The following PCBP1 variants were observed in gnomAD, a reference collection of about 807,000 sequenced individuals.
The protein encoded by PCBP1 is poly(rC) binding protein 1, also known as poly(rC)-binding protein 1.
For missense variants in PCBP1, 244 were observed against 474.4 expected, an observed-to-expected ratio of 0.51 and a Z score of 4.51; for synonymous variants, 284 against 195.8, an observed-to-expected ratio of 1.45 and a Z score of -3.76.
In PCBP1 at chr2:70,088,588, A is replaced by G; in HGVS notation, c.845A>G (p.His282Arg). The change falls in exon 1 of 1, where the codon CAT becomes CGT. Residue 282 changes from histidine (H) to arginine (R), a missense_variant. Transcript: ENST00000303577. The surrounding 1 kb of genome is among the most constrained non-coding windows in gnomAD (Gnocchi z 4.5). Reference protein sequence around the residue: ...ASLDASTQTTHELTIPNNLIG... With the variant: ...ASLDASTQTTRELTIPNNLIG... ...TTGGATGCATCTACTCAAACCACCC[A>G]TGAACTCACCATTCCAAATAACTTA... The G allele has an allele frequency of 6.2e-7, 1 of 1,614,252 alleles. No individual in the cohort carries two copies. Among genetic ancestry groups the G allele is most frequent in the Non-Finnish European group, 8.5e-7 (1 of 1,180,042 alleles).
chr2:70,087,640 T>A lies in PCBP1; in HGVS notation c.-104T>A. 1.5e-6 allele frequency: 1 copy of A among 674,954 alleles called. No homozygotes were observed. The highest frequency in any genetic ancestry group is 2.3e-6 in the Non-Finnish European group (1 of 426,784). The allele number at this position is 674,954 out of a possible 1,614,324, so 41.8% of individuals were successfully genotyped here. Reference sequence around the variant, plus strand: ...CTCGCTCCCGCGGCCCTCGCTCGCCTCGCGCCGGCAGTTTTGGGCCTACAC... The same window carrying A: ...CTCGCTCCCGCGGCCCTCGCTCGCCACGCGCCGGCAGTTTTGGGCCTACAC... On this transcript the variant is annotated 5_prime_UTR_variant, in exon 1 of 1. Coordinates refer to ENST00000303577, the MANE Select transcript of PCBP1 (RefSeq NM_006196.4).
rs1309352130 is a variant in PCBP1 at position 70,087,712 on chromosome 2, C to A, written c.-32C>A. The A allele has an allele frequency of 7.0e-7, 1 of 1,432,506 alleles. No homozygotes were observed. The highest frequency in any genetic ancestry group is 9.5e-7 in the Non-Finnish European group (1 of 1,049,804). The allele number at this position is 1,432,506 out of a possible 1,614,324, so 88.7% of individuals were successfully genotyped here. ...CCAAAGACTTGACCACGTAACGAGC[C>A]CAACTCCCCCGAACGCCGCCCGCCG... is the stretch of plus-strand genomic sequence containing the variant. On this transcript the variant is annotated 5_prime_UTR_variant, in exon 1 of 1. Transcript: ENST00000303577.
In PCBP1 at chr2:70,089,030, T is replaced by G. The variant is rs1362926909; in HGVS notation, c.*216T>G. On this transcript the variant is annotated 3_prime_UTR_variant, in exon 1 of 1. Coordinates refer to ENST00000303577, the MANE Select transcript of PCBP1 (RefSeq NM_006196.4). ...TATAAGCTTTTCCCTGTTTTTAGTTTTGTTTTGGGTTTTTTGGCTCATGAA... is the reference window on the plus strand; with the variant it reads ...TATAAGCTTTTCCCTGTTTTTAGTTGTGTTTTGGGTTTTTTGGCTCATGAA... 2.2e-6 allele frequency: 1 copy of G among 459,318 alleles called. No individual in the cohort carries two copies. Among genetic ancestry groups the G allele is most frequent in the Non-Finnish European group, 4.0e-6 (1 of 253,016 alleles). The allele number at this position is 459,318 out of a possible 1,614,324, so 28.5% of individuals were successfully genotyped here.
In PCBP1 at chr2:70,088,858, A is replaced by C. The variant is rs199623299; in HGVS notation, c.*44A>C. 1.4e-6 allele frequency: 2 copies of C among 1,380,764 alleles called. No homozygotes were observed. Among genetic ancestry groups the C allele is most frequent in the Admixed American group, 2.1e-5 (1 of 47,098 alleles). The allele number at this position is 1,380,764 out of a possible 1,614,324, so 85.5% of individuals were successfully genotyped here. On this transcript the variant is annotated 3_prime_UTR_variant, in exon 1 of 1. Transcript: ENST00000303577. This position sits in a 1 kb window ranked among gnomAD's most constrained non-coding sequence, Gnocchi z 4.5. ...AATAACCCCTTTCTGCTGTTCTCCC[A>C]TGATCCAACTGTGTAATTTCTGGTC...
Position 70,088,720 on chromosome 2 carries a change from A to G in PCBP1, c.977A>G (p.Gln326Arg). The G allele has an allele frequency of 1.2e-6, 2 of 1,614,224 alleles. No individual in the cohort carries two copies. Among genetic ancestry groups the G allele is most frequent in the Non-Finnish European group, 8.5e-7 (1 of 1,180,038 alleles). Residue 326 changes from glutamine (Q) to arginine (R), a missense_variant, in exon 1 of 1, where the codon CAG (glutamine) becomes CGG (arginine). Physicochemically the swap from Gln to Arg is conservative, Grantham distance 43. Transcript: ENST00000303577. This position sits in a 1 kb window ranked among gnomAD's most constrained non-coding sequence, Gnocchi z 4.5. ...ANPVEGSSGR[Q>R]VTITGSAASI... ...CCAGTGGAAGGCTCCTCTGGTAGGC[A>G]GGTTACTATCACTGGCTCTGCTGCC... is the stretch of plus-strand genomic sequence containing the variant.
chr2:70,087,641 C>T lies in PCBP1; in HGVS notation c.-103C>T, dbSNP rs1671348894. On this transcript the variant is annotated 5_prime_UTR_variant, in exon 1 of 1. Coordinates refer to ENST00000303577, the MANE Select transcript of PCBP1 (RefSeq NM_006196.4). ...TCGCTCCCGCGGCCCTCGCTCGCCTCGCGCCGGCAGTTTTGGGCCTACACC... is the reference window on the plus strand; with the variant it reads ...TCGCTCCCGCGGCCCTCGCTCGCCTTGCGCCGGCAGTTTTGGGCCTACACC... 3 of 689,150 alleles carry T rather than the reference C, an allele frequency of 4.4e-6. No homozygotes were observed. Among genetic ancestry groups the T allele is most frequent in the Admixed American group, 3.0e-5 (1 of 33,092 alleles). 42.7% of individuals were successfully genotyped at this position (689,150 alleles called of 1,614,324 possible).
rs1250491875 is a variant in PCBP1, at chr2:70,087,489, C to G, written c.-255C>G. ...TCCCGCCCCGCCCAGACCGCCGAGG[C>G]TGCCGCCGGAGTCGCCACCGCCGCG... On this transcript the variant is annotated 5_prime_UTR_variant, in exon 1 of 1. Coordinates refer to ENST00000303577, the MANE Select transcript of PCBP1 (RefSeq NM_006196.4). 1 of 150,196 alleles carries G rather than the reference C, an allele frequency of 6.7e-6. No homozygotes were observed. Among genetic ancestry groups the G allele is most frequent in the Non-Finnish European group, 1.5e-5 (1 of 67,038 alleles). 9.3% of individuals were successfully genotyped at this position (150,196 alleles called of 1,614,324 possible). A position where few individuals can be genotyped will look rare whatever the true frequency, so the allele number is the denominator to read the frequency against.
Position 70,087,644 on chromosome 2 carries a change from G to T in PCBP1, c.-100G>T. On this transcript the variant is annotated 5_prime_UTR_variant, in exon 1 of 1. Coordinates refer to ENST00000303577, the MANE Select transcript of PCBP1 (RefSeq NM_006196.4). Reference sequence around the variant, plus strand: ...CTCCCGCGGCCCTCGCTCGCCTCGCGCCGGCAGTTTTGGGCCTACACCTCC... The same window carrying T: ...CTCCCGCGGCCCTCGCTCGCCTCGCTCCGGCAGTTTTGGGCCTACACCTCC... The T allele has an allele frequency of 1.4e-6, 1 of 697,132 alleles. No individual in the cohort carries two copies. The highest frequency in any genetic ancestry group is 2.3e-6 in the Non-Finnish European group (1 of 443,730). The allele number at this position is 697,132 out of a possible 1,614,324, so 43.2% of individuals were successfully genotyped here.
At position 70,088,160 on chromosome 2, in the gene PCBP1, C is replaced by G; in HGVS notation, c.417C>G (p.Pro139=). The G allele has an allele frequency of 6.2e-7, 1 of 1,613,968 alleles. No homozygotes were observed. Residue 139 remains proline (P), a synonymous_variant, in exon 1 of 1, where the codon CCC becomes CCG. Coordinates refer to ENST00000303577, the MANE Select transcript of PCBP1 (RefSeq NM_006196.4). The surrounding 1 kb of genome is among the most constrained non-coding windows in gnomAD (Gnocchi z 4.5). ...TCCAGGTGGCGGGGGATATGCTGCCCAACTCCACCGAGCGGGCCATCACCA... is the reference window on the plus strand; with the variant it reads ...TCCAGGTGGCGGGGGATATGCTGCCGAACTCCACCGAGCGGGCCATCACCA... ...AQVQVAGDML[P]NSTERAITIA... is the part of the protein sequence containing the mutation.
At position 70,087,704 on chromosome 2, in the gene PCBP1, T is replaced by C; in HGVS notation, c.-40T>C. The stretch of plus-strand genomic sequence containing the variant: ...GCCAGCCGCCAAAGACTTGACCACG[T>C]AACGAGCCCAACTCCCCCGAACGCC... On this transcript the variant is annotated 5_prime_UTR_variant, in exon 1 of 1. Coordinates refer to ENST00000303577, the MANE Select transcript of PCBP1 (RefSeq NM_006196.4). 3 of 1,366,384 alleles carry C rather than the reference T, an allele frequency of 2.2e-6. No individual in the cohort carries two copies. Among genetic ancestry groups the C allele is most frequent in the Non-Finnish European group, 2.0e-6 (2 of 994,174 alleles). 84.6% of individuals were successfully genotyped at this position (1,366,384 alleles called of 1,614,324 possible).
rs1394487720 is a variant in PCBP1 at position 70,088,730 on chromosome 2, C to A, written c.987C>A (p.Ile329=). Reference sequence around the variant, plus strand: ...GCTCCTCTGGTAGGCAGGTTACTATCACTGGCTCTGCTGCCAGTATTAGTC... The same window carrying A: ...GCTCCTCTGGTAGGCAGGTTACTATAACTGGCTCTGCTGCCAGTATTAGTC... ...VEGSSGRQVT[I]TGSAASISLA... Residue 329 remains isoleucine, a synonymous_variant, in exon 1 of 1, where the codon ATC becomes ATA. Coordinates refer to ENST00000303577, the MANE Select transcript of PCBP1 (RefSeq NM_006196.4). The surrounding 1 kb of genome is among the most constrained non-coding windows in gnomAD (Gnocchi z 4.5). The A allele has an allele frequency of 6.2e-7, 1 of 1,614,228 alleles. No individual in the cohort carries two copies.
In PCBP1 at chr2:70,089,158, TA is replaced by T. The variant is rs1671390179; in HGVS notation, c.*350del. ...TTTAAGAATTAAAAAACGGATTGGTTAAAAAATGCTTCATATTTGAAAAAGC... is the reference window on the plus strand; with the variant it reads ...TTTAAGAATTAAAAAACGGATTGGTTAAAAATGCTTCATATTTGAAAAAGC... On this transcript the variant is annotated 3_prime_UTR_variant, in exon 1 of 1. Transcript: ENST00000303577. The T allele has an allele frequency of 4.4e-6, 1 of 225,954 alleles. No individual in the cohort carries two copies. The allele number at this position is 225,954 out of a possible 1,614,324, so 14.0% of individuals were successfully genotyped here. A position where few individuals can be genotyped will look rare whatever the true frequency, so the allele number is the denominator to read the frequency against.
chr2:70,087,669 C>G lies in PCBP1; in HGVS notation c.-75C>G, dbSNP rs1572928921. On this transcript the variant is annotated 5_prime_UTR_variant, in exon 1 of 1. Coordinates refer to ENST00000303577, the MANE Select transcript of PCBP1 (RefSeq NM_006196.4). ...GCCGGCAGTTTTGGGCCTACACCTC[C>G]CCTCCCCCCGCCAGCCGCCAAAGAC... 2.8e-5 allele frequency: 29 copies of G among 1,040,462 alleles called. 2 individuals are homozygous for G. The South Asian group carries it at 4.3e-4, about 15-fold the overall frequency. The allele number at this position is 1,040,462 out of a possible 1,614,324, so 64.5% of individuals were successfully genotyped here.
At position 70,088,178 on chromosome 2, in the gene PCBP1, C is replaced by T. The variant is rs1558626286; in HGVS notation, c.435C>T (p.Ala145=). The T allele has an allele frequency of 6.2e-7, 1 of 1,614,036 alleles. No individual in the cohort carries two copies. Among genetic ancestry groups the T allele is most frequent in the Non-Finnish European group, 8.5e-7 (1 of 1,180,028 alleles). The change falls in exon 1 of 1, where the codon GCC becomes GCT. Residue 145 remains alanine, a synonymous_variant. Coordinates refer to ENST00000303577, the MANE Select transcript of PCBP1 (RefSeq NM_006196.4). The surrounding 1 kb of genome is among the most constrained non-coding windows in gnomAD (Gnocchi z 4.5). ...GDMLPNSTER[A]ITIAGVPQSV... ...TGCTGCCCAACTCCACCGAGCGGGCCATCACCATCGCTGGCGTGCCGCAGT... is the reference window on the plus strand; with the variant it reads ...TGCTGCCCAACTCCACCGAGCGGGCTATCACCATCGCTGGCGTGCCGCAGT...
rs759459662 is a variant in PCBP1, at chr2:70,087,849, G to A, written c.106G>A (p.Val36Ile). ...GSIIGKKGES[V>I]KRIREESGAR... ...CATCATTGGGAAGAAAGGGGAGTCG[G>A]TTAAGAGGATCCGCGAGGAGAGTGG... Residue 36 changes from valine (V) to isoleucine (I), a missense_variant, in exon 1 of 1, where the codon GTT (valine) becomes ATT (isoleucine). Val to Ile is a conservative substitution (Grantham distance 29, BLOSUM62 3). Coordinates refer to ENST00000303577, the MANE Select transcript of PCBP1 (RefSeq NM_006196.4). The A allele has an allele frequency of 3.7e-6, 6 of 1,612,570 alleles. No homozygotes were observed. The Admixed American group carries it at 6.7e-5, about 18-fold the overall frequency.
At position 70,088,915 on chromosome 2, in the gene PCBP1, G is replaced by T; in HGVS notation, c.*101G>T. Reference sequence around the variant, plus strand: ...TCCAGGTTTTAAATAATTTGTAAGTGTTCAGTTTCTACACAACTTTATCAT... The same window carrying T: ...TCCAGGTTTTAAATAATTTGTAAGTTTTCAGTTTCTACACAACTTTATCAT... On this transcript the variant is annotated 3_prime_UTR_variant, in exon 1 of 1. Transcript: ENST00000303577. The surrounding 1 kb of genome is among the most constrained non-coding windows in gnomAD (Gnocchi z 4.5). The T allele has an allele frequency of 1.2e-6, 1 of 818,428 alleles. No homozygotes were observed. Among genetic ancestry groups the T allele is most frequent in the Non-Finnish European group, 1.9e-6 (1 of 524,916 alleles). The allele number at this position is 818,428 out of a possible 1,614,324, so 50.7% of individuals were successfully genotyped here. A position where few individuals can be genotyped will look rare whatever the true frequency, so the allele number is the denominator to read the frequency against.
In PCBP1 at chr2:70,088,354, C is replaced by G; in HGVS notation, c.611C>G (p.Ala204Gly). The change falls in exon 1 of 1, where the codon GCT becomes GGT. Residue 204 changes from alanine to glycine, a missense_variant. Transcript: ENST00000303577. This position sits in a 1 kb window ranked among gnomAD's most constrained non-coding sequence, Gnocchi z 4.5. ...GGCGGCCAAGATCGGTGCAGCGACGCTGCGGGCTACCCCCATGCCACCCAT... is the reference window on the plus strand; with the variant it reads ...GGCGGCCAAGATCGGTGCAGCGACGGTGCGGGCTACCCCCATGCCACCCAT... ...CAGGQDRCSD[A>G]AGYPHATHDL... 1 of 1,613,980 alleles carries G rather than the reference C, an allele frequency of 6.2e-7. No individual in the cohort carries two copies. Among genetic ancestry groups the G allele is most frequent in the Non-Finnish European group, 8.5e-7 (1 of 1,180,048 alleles).
chr2:70,088,573 C>A lies in PCBP1; in HGVS notation c.830C>A (p.Ser277Tyr). ...VKGYWASLDA[S>Y]TQTTHELTIP... ...GGCTATTGGGCAAGTTTGGATGCAT[C>A]TACTCAAACCACCCATGAACTCACC... is the stretch of plus-strand genomic sequence containing the variant. The change falls in exon 1 of 1, where the codon TCT (serine) becomes TAT (tyrosine). Residue 277 changes from serine to tyrosine, a missense_variant. By Grantham distance (144) the Ser-to-Tyr change is moderately radical (BLOSUM62 -2). Transcript: ENST00000303577. This position sits in a 1 kb window ranked among gnomAD's most constrained non-coding sequence, Gnocchi z 4.5. 1.9e-6 allele frequency: 3 copies of A among 1,614,248 alleles called. No homozygotes were observed. The highest frequency in any genetic ancestry group is 2.5e-6 in the Non-Finnish European group (3 of 1,180,040).
rs148864700 is a variant in PCBP1 at position 70,087,994 on chromosome 2, A to G, written c.251A>G (p.Asn84Ser). 9.7e-4 allele frequency: 1,565 copies of G among 1,613,926 alleles called. 1 individual carries two copies. Among genetic ancestry groups the G allele is most frequent in the Middle Eastern group, 8.7e-3 (53 of 6,062 alleles). Reference sequence around the variant, plus strand: ...ATCGACAAGCTGGAGGAAGATATCAACAGCTCCATGACCAACAGTACCGCG... The same window carrying G: ...ATCGACAAGCTGGAGGAAGATATCAGCAGCTCCATGACCAACAGTACCGCG... ...MIIDKLEEDI[N>S]SSMTNSTAAS... The change falls in exon 1 of 1, where the codon AAC becomes AGC. Residue 84 changes from asparagine (N) to serine (S), a missense_variant. By Grantham distance (46) the Asn-to-Ser change is conservative (BLOSUM62 1). Transcript: ENST00000303577.
Sources: gnomAD v4.1 joint callset for allele counts on GRCh38, gnomAD v4.1.1 for gene constraint, Gnocchi (gnomAD v3.1) non-coding constraint, MANE v1.5 for transcripts, NCBI Gene and HGNC (gene_info 2026-07-23, HGNC 2026-07-21) for gene names.